The following ANKRD62 variants were observed in gnomAD, a reference collection of about 807,000 sequenced individuals.
The protein encoded by ANKRD62 is ankyrin repeat domain-containing protein 62.
Under a neutral mutation model 98.8 loss-of-function variants are expected in ANKRD62, and 61 were observed. The ratio of observed to expected loss-of-function variants is 0.62; its 90% CI spans 0.50 to 0.76. The LOEUF is 0.76. ANKRD62 is among the 30% of genes least tolerant of loss of function. The pLI is 0.00. For missense variants in ANKRD62, 933 were observed against 1,082.9 expected, an observed-to-expected ratio of 0.86 and a Z score of 1.94; for synonymous variants, 341 against 367.9, an observed-to-expected ratio of 0.93 and a Z score of 0.84.
intron 10 of ANKRD62, among the ~76,000 whole-genome samples, chr18:12,121,789 G>T (rs113902991): frequency 6.6e-6 from 1 of 152,154 alleles, no homozygotes; most frequent in Admixed American, 6.6e-5. Flanking sequence ...AATCATTGTT[G>T]AATATATTTT....
intron 4 of ANKRD62, among the ~76,000 whole-genome samples, chr18:12,096,749 G>A (rs1014346516): frequency 1.3e-5 from 2 of 152,100 alleles, no homozygotes; most frequent in African/African-American, 4.8e-5. Flanking sequence ...ATCATTTTGT[G>A]TTTTGGATGA....
chr18:12,101,960 A>G, intron 6 of ANKRD62: 3 of 919,546 alleles, frequency 3.3e-6, no homozygotes, highest in Middle Eastern at 3.2e-4. Flanking sequence ...AGAGGCATAC[A>G]TCAGTTCTTC....
chr18:12,094,979 A>C (rs1037579213), intron 1 of ANKRD62, among the ~76,000 whole-genome samples, 192 bp from the exon 2 acceptor site: 2 of 151,290 alleles, frequency 1.3e-5, no homozygotes, highest in Admixed American at 6.6e-5. Context: ...CACCAAGGGC[A>C]CTGGGCTTTC....
chr18:12,130,445 G>A (rs1416676083), downstream of ANKRD62, among the ~76,000 whole-genome samples: 1 of 152,126 alleles, frequency 6.6e-6, no homozygotes, highest in East Asian at 1.9e-4. Context: ...AGTTCAATAA[G>A]TCAATCTCTT....
chr18:12,137,983 T>A, the ANKRD62 span, among the ~76,000 whole-genome samples: 1 of 152,210 alleles, frequency 6.6e-6, no homozygotes, highest in Non-Finnish European at 1.5e-5. Context: ...TTGTTGATCT[T>A]TTCAAAAAAC....
At chr18:12,133,999 T>C (rs1910042905), downstream of ANKRD62, among the ~76,000 whole-genome samples, 3 of 152,156 alleles carry the variant, frequency 2.0e-5, no homozygotes, top group Admixed American at 6.5e-5. Context: ...ACCCACTATT[T>C]TTCTATAATC....
chr18:12,125,988 G>A lies in ANKRD62; in HGVS notation c.2167G>A (p.Glu723Lys). ...TGGCCTGGAAACTGAGCTCCATTATGAAAGAGAGGCTCTCAAAGAAAAGAC... is the reference window on the plus strand; with the variant it reads ...TGGCCTGGAAACTGAGCTCCATTATAAAAGAGAGGCTCTCAAAGAAAAGAC... ...SSGLETELHY[E>K]REALKEKTLH... Residue 723 changes from glutamate (E) to lysine (K), a missense_variant, in exon 13 of 14, where the codon GAA becomes AAA. Transcript: ENST00000587848. 6.5e-7 allele frequency: 1 copy of A among 1,537,038 alleles called. No individual in the cohort carries two copies. Among genetic ancestry groups the A allele is most frequent in the Non-Finnish European group, 8.7e-7 (1 of 1,146,910 alleles).
chr18:12,173,115 C>T, the ANKRD62 span, among the ~76,000 whole-genome samples: 4 of 152,260 alleles, frequency 2.6e-5, no homozygotes, highest in African/African-American at 4.8e-5. Context: ...ACCCACTGTC[C>T]GACAAGCCCC....
chr18:12,095,279 G>C lies in ANKRD62; in HGVS notation c.327G>C (p.Leu109=), dbSNP rs553081794. The part of the protein sequence containing the change: ...NLTDSENRTA[L]IKAVQCQEEV... ...CTGACAGTGAAAACAGGACAGCTCT[G>C]ATCAAGGTATATGGTAGCCAACTCT... The change falls in exon 2 of 14, where the codon CTG becomes CTC. Residue 109 remains leucine (L), a synonymous_variant. Transcript: ENST00000587848. 6.6e-5 allele frequency: 101 copies of C among 1,540,140 alleles called. No individual in the cohort carries two copies. In the East Asian group the frequency reaches 2.4e-3, roughly 37 times the overall value.
chr18:12,136,377 A>G, the ANKRD62 span, among the ~76,000 whole-genome samples: 1 of 151,850 alleles, frequency 6.6e-6, no homozygotes, highest in Non-Finnish European at 1.5e-5. Context: ...TATTTCTGAG[A>G]GCTCTGTTCT....
the ANKRD62 span, among the ~76,000 whole-genome samples, chr18:12,175,546 C>T: frequency 6.6e-6 from 1 of 151,860 alleles, no homozygotes; most frequent in African/African-American, 2.4e-5. Flanking sequence ...AGGGAGTATG[C>T]AGGCTGGTGC....
At chr18:12,172,840 T>C in the ANKRD62 span, among the ~76,000 whole-genome samples, 4 of 152,220 alleles carry the variant, frequency 2.6e-5, no homozygotes, top group Non-Finnish European at 5.9e-5. Flanking sequence ...ACTGCCACCT[T>C]GCAGTTTGAT....
the ANKRD62 span, among the ~76,000 whole-genome samples, chr18:12,175,106 G>C: frequency 1.3e-5 from 2 of 152,260 alleles, no homozygotes; most frequent in South Asian, 4.1e-4. Flanking sequence ...GCTCAGGGAA[G>C]GGTAGGGGGC....
rs750705093 is a variant in ANKRD62 at position 12,126,174 on chromosome 18, T to A, written c.2353T>A (p.Leu785Met). Residue 785 changes from leucine (L) to methionine (M), a missense_variant, in exon 13 of 14, where the codon TTG (leucine) becomes ATG (methionine). By Grantham distance (15) the Leu-to-Met change is conservative. Transcript: ENST00000587848. The part of the protein sequence containing the change: ...GLFQLQSQNL[L>M]YQQQCNDARK... ...ATTTCAACTACAAAGCCAAAATCTGTTGTATCAACAGCAGTGTAATGATGC... is the reference window on the plus strand; with the variant it reads ...ATTTCAACTACAAAGCCAAAATCTGATGTATCAACAGCAGTGTAATGATGC... 10 of 1,536,108 alleles carry A rather than the reference T, an allele frequency of 6.5e-6. No homozygotes were observed. The South Asian group carries it at 1.2e-4, about 18-fold the overall frequency.
At chr18:12,166,890 C>T in the ANKRD62 span, among the ~76,000 whole-genome samples, 10 of 151,218 alleles carry the variant, frequency 6.6e-5, no homozygotes, top group Non-Finnish European at 1.2e-4. Context: ...CACCCCATGA[C>T]AGGCCCCAGT....
the ANKRD62 span, among the ~76,000 whole-genome samples, chr18:12,146,397 C>T: frequency 6.6e-6 from 1 of 152,160 alleles, no homozygotes; most frequent in African/African-American, 2.4e-5. Context: ...GGAAGAGACC[C>T]CCAGCACAGC....
At chr18:12,133,430 A>G (rs60638614), downstream of ANKRD62, among the ~76,000 whole-genome samples, 1,038 of 152,330 alleles carry the variant, frequency 6.8e-3, 10 homozygotes, top group African/African-American at 0.024. Flanking sequence ...GAGGTCAAAT[A>G]GTAACTGTGT....
At position 12,126,251 on chromosome 18, in the gene ANKRD62, A is replaced by G; in HGVS notation, c.2430A>G (p.Lys810=). The G allele has an allele frequency of 2.0e-6, 3 of 1,536,064 alleles. No individual in the cohort carries two copies. Among genetic ancestry groups the G allele is most frequent in the Non-Finnish European group, 2.6e-6 (3 of 1,146,816 alleles). ...AAACAATAATTAATATCCAAGTCAAATGTGAAGATACTGTAGAAAAACTTC... is the reference window on the plus strand; with the variant it reads ...AAACAATAATTAATATCCAAGTCAAGTGTGAAGATACTGTAGAAAAACTTC... ...QEKTIINIQV[K]CEDTVEKLQA... is the part of the protein sequence containing the mutation. The change falls in exon 13 of 14, where the codon AAA becomes AAG. Residue 810 remains lysine, a synonymous_variant. Coordinates refer to ENST00000587848, the MANE Select transcript of ANKRD62 (RefSeq NM_001277333.2).
chr18:12,138,039 A>G, the ANKRD62 span, among the ~76,000 whole-genome samples: 4 of 151,912 alleles, frequency 2.6e-5, no homozygotes, highest in South Asian at 4.2e-4. Flanking sequence ...TTGTGTCTCT[A>G]TCTCCTTCAG....
Sources: gnomAD v4.1 joint callset for allele counts (sites outside exome capture counted in the v4.1 genomes callset) on GRCh38, gnomAD v4.1.1 for gene constraint, MANE v1.5 for transcripts, NCBI Gene and HGNC (gene_info 2026-07-23, HGNC 2026-07-21) for gene names.